The following PSG11 variants were observed in gnomAD, a reference collection of about 807,000 sequenced individuals.
PSG11 encodes pregnancy-specific beta-1-glycoprotein 11.
A neutral mutation model predicts 36.0 loss-of-function variants in PSG11; 42 were observed. That is an observed-to-expected ratio of 1.17 (90% CI 0.91 to 1.51). PSG11 has a LOEUF of 1.51. Among genes scored for constraint, PSG11 ranks in the 40% most tolerant of loss-of-function variants. PSG11 has a pLI of 0.00. For synonymous variants in PSG11, 206 were observed against 153.5 expected (o/e 1.34, Z -2.53); for missense variants, 558 against 403.5 (o/e 1.38, Z -3.28).
In PSG11 at chr19:43,016,044, T is replaced by A. The variant is rs557472850; in HGVS notation, c.710-674A>T. ...TGGTGATGTAGGGCATGGGCAGCTTTGCTGTGTGGATAACAGAGAGAAGAT... is the reference window on the plus strand; with the variant it reads ...TGGTGATGTAGGGCATGGGCAGCTTAGCTGTGTGGATAACAGAGAGAAGAT... On this transcript the variant is annotated intron_variant, in intron 3 of 5. Coordinates refer to ENST00000320078, the MANE Select transcript of PSG11 (RefSeq NM_002785.3). 29 of 1,608,334 alleles carry A rather than the reference T, an allele frequency of 1.8e-5. 2 individuals are homozygous for A. Among genetic ancestry groups the A allele is most frequent in the African/African-American group, 2.7e-5 (2 of 74,112 alleles).
intron 2 of PSG11, among the ~76,000 whole-genome samples, chr19:43,022,249 C>G (rs1967118874): frequency 1.3e-5 from 2 of 151,496 alleles, no homozygotes; most frequent in South Asian, 2.1e-4. Context: ...GATAACATCA[C>G]TATTGTAGAA....
chr19:43,018,523 T>G (rs1967021451), intron 3 of PSG11: 1 of 898,270 alleles, frequency 1.1e-6, no homozygotes, highest in African/African-American at 1.7e-5. Context: ...GCCTGAGACA[T>G]TCACCTGTTT....
At chr19:43,008,125 G>T (rs1973976330) in intron 5 of PSG11, 83 bp from the exon 6 acceptor site, 1 of 316,340 alleles carries the variant, frequency 3.2e-6, no homozygotes, top group Non-Finnish European at 6.1e-6. Context: ...GAATGACAAA[G>T]ATTTAAAATG....
chr19:43,022,760 C>G (rs1188951712), intron 2 of PSG11, among the ~76,000 whole-genome samples: 1 of 151,074 alleles, frequency 6.6e-6, no homozygotes, highest in African/African-American at 2.4e-5. Flanking sequence ...AGCTCATTCT[C>G]TTAGTGACCT....
At chr19:43,025,184 C>CACAG in intron 1 of PSG11, 128 bp from the exon 2 acceptor site, 1 of 1,344,434 alleles carries the variant, frequency 7.4e-7, no homozygotes, top group Non-Finnish European at 1.0e-6. Flanking sequence ...CACACACACA[C>CACAG]ATACAAACAT....
At chr19:43,010,504 C>T (rs779570935) in intron 4 of PSG11, 7 of 867,062 alleles carry the variant, frequency 8.1e-6, no homozygotes, top group Non-Finnish European at 1.2e-5. Context: ...TTCCTACAGG[C>T]TCCCAGGAAG....
At chr19:43,013,043 C>T (rs1974113698) in intron 4 of PSG11, among the ~76,000 whole-genome samples, 1 of 151,404 alleles carries the variant, frequency 6.6e-6, no homozygotes, top group Non-Finnish European at 1.5e-5. Context: ...ACAGTGTTCT[C>T]ACCAAATGGT....
At chr19:43,019,115 A>G in intron 2 of PSG11, 67 bp from the exon 3 acceptor site, 1 of 1,574,308 alleles carries the variant, frequency 6.4e-7, no homozygotes, top group Non-Finnish European at 8.6e-7. Context: ...GCATTTTTCA[A>G]TCAGAATTGG....
chr19:43,025,973 G>A (rs113205987), intron 1 of PSG11, among the ~76,000 whole-genome samples: 5,749 of 101,580 alleles, frequency 0.057, 590 homozygotes, highest in African/African-American at 0.21. Context: ...ATGGAGTCTC[G>A]TACTGTCACC....
chr19:43,016,886 G>C (rs957859915), intron 3 of PSG11, among the ~76,000 whole-genome samples: 1 of 151,564 alleles, frequency 6.6e-6, no homozygotes, highest in Non-Finnish European at 1.5e-5. Context: ...CTGGTGGAAA[G>C]GGTGGGAATG....
At chr19:43,026,260 G>T in intron 1 of PSG11, 49 bp downstream of exon 1, 2 of 1,606,292 alleles carry the variant, frequency 1.2e-6, no homozygotes, top group Non-Finnish European at 1.7e-6. Context: ...ACCCCATCCA[G>T]TCACTCTGCT....
In PSG11 at chr19:43,024,848, A is replaced by T. The variant is rs372924055; in HGVS notation, c.273T>A (p.Tyr91Ter). Residue 91 changes from tyrosine to a stop codon, truncating the protein, a stop_gained, in exon 2 of 6, where the codon TAT becomes TAA. Transcript: ENST00000320078. LOFTEE classifies it high-confidence loss of function. The stretch of plus-strand genomic sequence containing the variant: ...TTTCTCGTCCACTGTATGCCGGTCC[A>T]TATATAATTATTTGACCGTCTACTA... Reference protein sequence around the residue: ...SYVVDGQIIIYGPAYSGRETV... With the variant: ...SYVVDGQIII The T allele has an allele frequency of 1.4e-5, 23 of 1,611,772 alleles. No homozygotes were observed. The highest frequency in any genetic ancestry group is 2.7e-5 in the African/African-American group (2 of 74,262).
rs141518227 is a variant in PSG11, at chr19:43,023,945, C to T, written c.430+746G>A. 8.2e-4 allele frequency among the ~76,000 whole-genome samples: 124 copies of T among 151,616 alleles called. 3 individuals carry two copies. The highest frequency in any genetic ancestry group is 1.3e-3 in the Admixed American group (20 of 15,208). On this transcript the variant is annotated intron_variant, in intron 2 of 5. Transcript: ENST00000320078. Reference sequence around the variant, plus strand: ...TTGCTTCCATGAGAAAGCACCTTTACGTCAGATCCCTGTGGACAAGCTGCT... The same window carrying T: ...TTGCTTCCATGAGAAAGCACCTTTATGTCAGATCCCTGTGGACAAGCTGCT...
intron 3 of PSG11, 185 bp downstream of exon 3, chr19:43,018,585 T>G: frequency 1.4e-6 from 2 of 1,395,750 alleles, no homozygotes; most frequent in East Asian, 2.3e-5. Flanking sequence ...AGCAGCCTCT[T>G]TTCTCCCACT....
intron 3 of PSG11, 115 bp from the exon 4 acceptor site, chr19:43,015,485 C>G: frequency 1.4e-6 from 2 of 1,391,498 alleles, no homozygotes; most frequent in East Asian, 2.3e-5. Flanking sequence ...AAGTCCCAGC[C>G]AAACCCCCTC....
At chr19:43,016,126 C>G in intron 3 of PSG11, 1 of 1,526,982 alleles carries the variant, frequency 6.5e-7, no homozygotes, top group African/African-American at 1.4e-5. Context: ...GAGTTGGCAT[C>G]TCCCACCTCT....
In PSG11 at chr19:43,024,842, C is replaced by A. The variant is rs151023050; in HGVS notation, c.279G>T (p.Pro93=). 2.7e-5 allele frequency: 43 copies of A among 1,611,646 alleles called. No individual in the cohort carries two copies. Among genetic ancestry groups the A allele is most frequent in the African/African-American group, 1.8e-4 (13 of 74,216 alleles). Residue 93 remains proline, a synonymous_variant, in exon 2 of 6, where the codon CCG becomes CCT. Transcript: ENST00000320078. The part of the protein sequence containing the change: ...VVDGQIIIYG[P]AYSGRETVYS... Reference sequence around the variant, plus strand: ...ATACTGTTTCTCGTCCACTGTATGCCGGTCCATATATAATTATTTGACCGT... The same window carrying A: ...ATACTGTTTCTCGTCCACTGTATGCAGGTCCATATATAATTATTTGACCGT...
At chr19:43,010,400 G>C (rs7246141) in intron 4 of PSG11, 721,103 of 1,545,954 alleles carry the variant, frequency 0.47, 182,248 homozygotes, top group East Asian at 0.99. Context: ...TCATGAATGA[G>C]ACTCTGTCAG....
In PSG11 at chr19:43,015,099, T is replaced by A; in HGVS notation, c.964+17A>T. The A allele has an allele frequency of 6.2e-7, 1 of 1,611,762 alleles. No individual in the cohort carries two copies. On this transcript the variant is annotated intron_variant, in intron 4 of 5. Transcript: ENST00000320078. Reference sequence around the variant, plus strand: ...CCACCTAAAACCCTATTGCCAAGGATGCTGGGATCCACTTACCAATGACTC... The same window carrying A: ...CCACCTAAAACCCTATTGCCAAGGAAGCTGGGATCCACTTACCAATGACTC...
Sources: gnomAD v4.1 joint callset for allele counts (sites outside exome capture counted in the v4.1 genomes callset) on GRCh38, gnomAD v4.1.1 for gene constraint, MANE v1.5 for transcripts, NCBI Gene and HGNC (gene_info 2026-07-23, HGNC 2026-07-21) for gene names.